The following CARMIL1 variants were observed in gnomAD, a reference collection of about 807,000 sequenced individuals.
The protein encoded by CARMIL1 is F-actin-uncapping protein LRRC16A.
In CARMIL1, 90 loss-of-function variants were observed where a neutral mutation model predicts 177.1. The ratio of observed to expected loss-of-function variants is 0.51; its 90% confidence interval spans 0.43 to 0.61. The LOEUF is 0.61. CARMIL1 is among the 20% of genes least tolerant of loss of function. The pLI, the probability that CARMIL1 is intolerant of heterozygous loss-of-function variation, is 0.00. For synonymous variants in CARMIL1, 577 were observed against 606.2 expected, an observed-to-expected ratio of 0.95 and a Z score of 0.71; for missense variants, 1,380 against 1,667.0, an observed-to-expected ratio of 0.83 and a Z score of 3.00.
chr6:25,356,151 G>A (rs927595978), intron 2 of CARMIL1, among the ~76,000 whole-genome samples: 1 of 151,492 alleles, frequency 6.6e-6, no homozygotes, highest in African/African-American at 2.4e-5. Context: ...TCCGCTTCCC[G>A]GGTTCACGCC....
rs917916233 is a variant in CARMIL1 at position 25,540,006 on chromosome 6, A to G, written c.2256A>G (p.Leu752=). 1 of 1,609,014 alleles carries G rather than the reference A, an allele frequency of 6.2e-7. No homozygotes were observed. The highest frequency in any genetic ancestry group is 8.5e-7 in the Non-Finnish European group (1 of 1,177,888). Residue 752 remains leucine, a synonymous_variant, in exon 26 of 37, where the codon CTA becomes CTG. Transcript: ENST00000329474. ...CTTGGGCGGGAGCCAGTGGCTTACTATCCAGTCCAATTCAGGAGACCCTGG... is the reference window on the plus strand; with the variant it reads ...CTTGGGCGGGAGCCAGTGGCTTACTGTCCAGTCCAATTCAGGAGACCCTGG... The part of the protein sequence containing the change: ...GASWAGASGL[L]SSPIQETLES...
intron 2 of CARMIL1, among the ~76,000 whole-genome samples, chr6:25,334,199 C>T (rs759642781): frequency 1.2e-4 from 18 of 152,294 alleles, no homozygotes; most frequent in African/African-American, 2.2e-4. Flanking sequence ...CAGAGGTATC[C>T]GGAACAGAGT....
intron 2 of CARMIL1, among the ~76,000 whole-genome samples, chr6:25,416,485 G>A (rs540630420): frequency 2.6e-5 from 4 of 152,138 alleles, no homozygotes; most frequent in Admixed American, 2.6e-4. Flanking sequence ...GTGCTGTGAG[G>A]ATTAAATGTG....
At chr6:25,416,300 T>G (rs1795354377) in intron 2 of CARMIL1, among the ~76,000 whole-genome samples, 1 of 152,120 alleles carries the variant, frequency 6.6e-6, no homozygotes, top group Non-Finnish European at 1.5e-5. Context: ...TTTGGAAAGG[T>G]GAGCTTTGAC....
chr6:25,306,588 A>G (rs901419495), intron 2 of CARMIL1, among the ~76,000 whole-genome samples: 1 of 152,152 alleles, frequency 6.6e-6, no homozygotes, highest in East Asian at 1.9e-4. Context: ...TATGTTTTCA[A>G]GTTTCCTCTA....
At chr6:25,339,571 A>C (rs1454536887) in intron 2 of CARMIL1, among the ~76,000 whole-genome samples, 1 of 152,196 alleles carries the variant, frequency 6.6e-6, no homozygotes, top group Non-Finnish European at 1.5e-5. Flanking sequence ...TTGAGTACAA[A>C]AGTATCTCCC....
In CARMIL1 at chr6:25,407,016, A is replaced by G. The variant is rs145243123; in HGVS notation, c.139-13098A>G. 1.4e-3 allele frequency among the ~76,000 whole-genome samples: 215 copies of G among 152,322 alleles called. 1 individual carries two copies. The highest frequency in any genetic ancestry group is 4.9e-3 in the African/African-American group (202 of 41,574). Reference sequence around the variant, plus strand: ...ACGAGAACATCAAGCATGAAGGGCCATGCCCAGTGCTAAGGAGAAATCTGG... The same window carrying G: ...ACGAGAACATCAAGCATGAAGGGCCGTGCCCAGTGCTAAGGAGAAATCTGG... On this transcript the variant is annotated intron_variant, in intron 2 of 36. Transcript: ENST00000329474.
At chr6:25,592,728 C>G (rs767086150) in intron 31 of CARMIL1, among the ~76,000 whole-genome samples, 1 of 152,116 alleles carries the variant, frequency 6.6e-6, no homozygotes, top group Non-Finnish European at 1.5e-5. Context: ...AGCCATGTTC[C>G]CCCTAGGCAC....
chr6:25,587,921 G>A (rs1813909573), intron 31 of CARMIL1, among the ~76,000 whole-genome samples: 1 of 152,014 alleles, frequency 6.6e-6, no homozygotes, highest in Admixed American at 6.6e-5. Context: ...TGTACAGTGA[G>A]CCCTCCATAT....
At chr6:25,572,702 CAAA>C (rs35085655) in intron 29 of CARMIL1, among the ~76,000 whole-genome samples, 6 of 53,200 alleles carry the variant, frequency 1.1e-4, no homozygotes, top group African/African-American at 3.9e-4. Flanking sequence ...GACCTTGTCT[CAAA>C]AAAAAAAAAA....
rs1257057017 is a variant in CARMIL1 at position 25,596,878 on chromosome 6, C to T, written c.3119+2351C>T. On this transcript the variant is annotated intron_variant, in intron 32 of 36. Coordinates refer to ENST00000329474, the MANE Select transcript of CARMIL1 (RefSeq NM_017640.6). ...ACACACACACACACACACACACACA[C>T]GTACTCATGTACTTAGACACACACT... Among the ~76,000 whole-genome samples, 10 of 151,822 alleles carry T rather than the reference C, an allele frequency of 6.6e-5. No individual in the cohort carries two copies. The East Asian group carries it at 1.5e-3, about 23-fold the overall frequency.
rs1012768545 is a variant in CARMIL1 at position 25,471,218 on chromosome 6, G to A, written c.740G>A (p.Arg247Gln). The change falls in exon 10 of 37, where the codon CGA becomes CAA. Residue 247 changes from arginine (R) to glutamine (Q), a missense_variant. Coordinates refer to ENST00000329474, the MANE Select transcript of CARMIL1 (RefSeq NM_017640.6). Reference sequence around the variant, plus strand: ...TTGAGGGTGGTGAGTAGGTCCAATCGACTGGAAGAATTGGTGTTGGAAAAT... The same window carrying A: ...TTGAGGGTGGTGAGTAGGTCCAATCAACTGGAAGAATTGGTGTTGGAAAAT... Reference protein sequence around the residue: ...QILRVVSRSNRLEELVLENAG... With the variant: ...QILRVVSRSNQLEELVLENAG... The A allele has an allele frequency of 9.3e-6, 15 of 1,613,328 alleles. No homozygotes were observed. The highest frequency in any genetic ancestry group is 1.1e-5 in the Non-Finnish European group (13 of 1,179,554).
intron 16 of CARMIL1, among the ~76,000 whole-genome samples, chr6:25,496,487 A>AC (rs1292622049): frequency 3.3e-5 from 5 of 151,878 alleles, no homozygotes; most frequent in Non-Finnish European, 7.4e-5. Flanking sequence ...AAAAAAAAAA[A>AC]AAACCAGTAG....
intron 29 of CARMIL1, among the ~76,000 whole-genome samples, chr6:25,574,201 C>A (rs980168040): frequency 3.3e-5 from 5 of 152,136 alleles, no homozygotes; most frequent in Non-Finnish European, 5.9e-5. Flanking sequence ...ATAGTAAGTC[C>A]AGATAATCGG....
intron 2 of CARMIL1, among the ~76,000 whole-genome samples, chr6:25,309,437 A>T (rs73394138): frequency 0.046 from 6,858 of 150,088 alleles, 226 homozygotes; most frequent in Middle Eastern, 0.098. Flanking sequence ...CTATTAGTAT[A>T]TTCACAGAGT....
At chr6:25,477,066 C>T (rs937554212) in intron 11 of CARMIL1, among the ~76,000 whole-genome samples, 9 of 140,678 alleles carry the variant, frequency 6.4e-5, no homozygotes, top group Non-Finnish European at 1.1e-4. Flanking sequence ...TCCAGCCTGG[C>T]GACTGAGAGA....
intron 9 of CARMIL1, among the ~76,000 whole-genome samples, chr6:25,470,023 T>G (rs1800963840): frequency 6.6e-6 from 1 of 152,236 alleles, no homozygotes; most frequent in Non-Finnish European, 1.5e-5. Flanking sequence ...TTGTTATAAG[T>G]TACTCATTTT....
At chr6:25,441,333 A>ATGTGTGTGTGTGTGTG (rs1211206689) in intron 5 of CARMIL1, among the ~76,000 whole-genome samples, 51 of 66,946 alleles carry the variant, frequency 7.6e-4, no homozygotes, top group African/African-American at 1.8e-3. Context: ...ATATATATAT[A>ATGTGTGTGTGTGTGTG]TATATGTGTG....
intron 4 of CARMIL1, among the ~76,000 whole-genome samples, chr6:25,432,382 C>T (rs184873432): frequency 1.2e-4 from 18 of 152,222 alleles, no homozygotes; most frequent in Middle Eastern, 6.8e-3. Context: ...AGATAAAATT[C>T]CTGAGACTTA....
Sources: allele counts gnomAD v4.1 joint callset (sites outside exome capture counted in the v4.1 genomes callset), GRCh38; gene constraint gnomAD v4.1.1; transcripts MANE v1.5; gene names NCBI Gene and HGNC (gene_info 2026-07-23, HGNC 2026-07-21).